The following THBS4 variants were observed in gnomAD, a reference collection of about 807,000 sequenced individuals.
The protein encoded by THBS4 is thrombospondin 4.
THBS4 carries 90 observed loss-of-function variants against 115.7 expected under a neutral mutation model. The ratio of observed to expected loss-of-function variants is 0.78; its 90% confidence interval spans 0.66 to 0.93. THBS4 has a LOEUF of 0.93. THBS4 is among the 40% of genes least tolerant of loss of function. The probability of loss-of-function intolerance (pLI) is 0.00; values close to 1 mark genes in which losing one functional copy is unlikely to be tolerated. For synonymous variants in THBS4, 460 were observed against 479.3 expected, an observed-to-expected ratio of 0.96 and a Z score of 0.53; for missense variants, 1,087 against 1,232.7, an observed-to-expected ratio of 0.88 and a Z score of 1.77.
chr5:80,048,263 A>G (rs1833138827), intron 2 of THBS4, among the ~76,000 whole-genome samples: 1 of 152,236 alleles, frequency 6.6e-6, no homozygotes. Context: ...TTGGCTCTGT[A>G]TTAGGAAAAT....
At chr5:79,992,008 G>C (rs533842848) in intron 1 of THBS4, among the ~76,000 whole-genome samples, 91 of 152,272 alleles carry the variant, frequency 6.0e-4, no homozygotes, top group African/African-American at 2.1e-3. Context: ...GCTTAAAAAG[G>C]CTCCTCATTT....
rs1415240915 is a variant in THBS4 at position 80,061,793 on chromosome 5, G to T, written c.1086G>T (p.Val362=). ...CAGTGGGCTTCACAGGGCCCATGGT[G>T]CAGGGTGTTGGGATCAGTTTTGCCA... The part of the protein sequence containing the change: ...ACPVGFTGPM[V]QGVGISFAKS... Residue 362 remains valine (V), a synonymous_variant, in exon 8 of 22, where the codon GTG becomes GTT. Transcript: ENST00000350881. 6.2e-7 allele frequency: 1 copy of T among 1,613,812 alleles called. No individual in the cohort carries two copies.
intron 2 of THBS4, among the ~76,000 whole-genome samples, chr5:80,013,200 C>T (rs1268009622): frequency 7.9e-5 from 12 of 152,090 alleles, no homozygotes; most frequent in Non-Finnish European, 1.2e-4. Flanking sequence ...AGTGCAATGG[C>T]GCAATCTTGG....
intron 2 of THBS4, among the ~76,000 whole-genome samples, chr5:80,021,709 C>T (rs558890435): frequency 4.7e-4 from 71 of 152,154 alleles, no homozygotes; most frequent in African/African-American, 1.6e-3. Context: ...TTTGTAGAGA[C>T]GGGGTCTGTG....
At chr5:80,045,179 AATG>A (rs1833022134) in intron 2 of THBS4, among the ~76,000 whole-genome samples, 1 of 152,208 alleles carries the variant, frequency 6.6e-6, no homozygotes, top group Non-Finnish European at 1.5e-5. Context: ...ACTGTTTTCT[AATG>A]ATGATGGTTT....
chr5:80,055,933 C>T lies in THBS4; in HGVS notation c.441C>T (p.Cys147=). 3 of 1,614,216 alleles carry T rather than the reference C, an allele frequency of 1.9e-6. No homozygotes were observed. The highest frequency in any genetic ancestry group is 2.5e-6 in the Non-Finnish European group (3 of 1,180,032). Residue 147 remains cysteine (C), a synonymous_variant, in exon 3 of 22, where the codon TGC becomes TGT. Coordinates refer to ENST00000350881, the MANE Select transcript of THBS4 (RefSeq NM_003248.6). ...GAGSLELYLD[C]IQVDSVHNLP... is the part of the protein sequence containing the mutation. Reference sequence around the variant, plus strand: ...GCTCCCTAGAGCTCTACCTGGACTGCATCCAGGTGGATTCCGTTCACAATC... The same window carrying T: ...GCTCCCTAGAGCTCTACCTGGACTGTATCCAGGTGGATTCCGTTCACAATC...
intron 7 of THBS4, among the ~76,000 whole-genome samples, chr5:80,060,915 A>G (rs1443668913): frequency 6.6e-6 from 1 of 152,206 alleles, no homozygotes; most frequent in Non-Finnish European, 1.5e-5. Flanking sequence ...GGAGAGATGC[A>G]GGTACATAAC....
intron 2 of THBS4, among the ~76,000 whole-genome samples, chr5:80,001,653 C>T (rs182097539): frequency 6.6e-6 from 1 of 152,288 alleles, no homozygotes; most frequent in East Asian, 1.9e-4. Flanking sequence ...AGACAGAAAA[C>T]AGCTGAAGTA....
chr5:80,029,022 G>A (rs1176460874), intron 2 of THBS4, among the ~76,000 whole-genome samples: 1 of 152,128 alleles, frequency 6.6e-6, no homozygotes, highest in African/African-American at 2.4e-5. Context: ...AGTTCTTTTA[G>A]TTAGGACAAA....
At chr5:80,002,520 C>A (rs1831921532) in intron 2 of THBS4, among the ~76,000 whole-genome samples, 1 of 151,976 alleles carries the variant, frequency 6.6e-6, no homozygotes, top group African/African-American at 2.4e-5. Flanking sequence ...CCCAGTGACC[C>A]CCATGCTCTA....
chr5:80,002,593 A>G (rs1279944307), intron 2 of THBS4, among the ~76,000 whole-genome samples: 1 of 151,944 alleles, frequency 6.6e-6, no homozygotes, highest in Non-Finnish European at 1.5e-5. Context: ...GGTGCAGAGA[A>G]AGTCAACTGT....
At chr5:80,073,380 T>C in intron 15 of THBS4, 53 bp downstream of exon 15, 1 of 1,566,930 alleles carries the variant, frequency 6.4e-7, no homozygotes, top group Admixed American at 1.7e-5. Flanking sequence ...CCGGAGAGGG[T>C]TTTTGGTTTG....
At position 80,065,416 on chromosome 5, in the gene THBS4, C is replaced by A. The variant is rs1240396932; in HGVS notation, c.1133C>A (p.Thr378Asn). The change falls in exon 9 of 22, where the codon ACT becomes AAT. Residue 378 changes from threonine (T) to asparagine (N), a missense_variant. Around this residue, in one of 3 missense-constraint regions of THBS4, gnomAD observed 979 missense variants for 1,103.7 expected, o/e 0.89. Transcript: ENST00000350881. The stretch of plus-strand genomic sequence containing the variant: ...TGAACTTTTCTGCACTAGGTCTGCA[C>A]TGACATTGATGAGTGTCGAAATGGA... ...SFAKSNKQVC[T>N]DIDECRNGAC... 2 of 1,613,050 alleles carry A rather than the reference C, an allele frequency of 1.2e-6. No homozygotes were observed. The highest frequency in any genetic ancestry group is 3.4e-5 in the Admixed American group (2 of 59,618).
chr5:80,043,496 G>T (rs574657542), intron 2 of THBS4, among the ~76,000 whole-genome samples: 1 of 152,146 alleles, frequency 6.6e-6, no homozygotes, highest in Non-Finnish European at 1.5e-5. Context: ...GCTGATTTGC[G>T]TGGAAAACGG....
chr5:80,074,677 G>A (rs919053470), intron 15 of THBS4, among the ~76,000 whole-genome samples: 4 of 150,050 alleles, frequency 2.7e-5, no homozygotes, highest in Non-Finnish European at 5.9e-5. Flanking sequence ...AGGCTGGCGT[G>A]ATCTCGGCTC....
chr5:80,068,127 T>TA lies in THBS4; in HGVS notation c.1347+4dup, dbSNP rs1561321606. The TA allele has an allele frequency of 6.2e-7, 1 of 1,613,132 alleles. No individual in the cohort carries two copies. The highest frequency in any genetic ancestry group is 1.7e-5 in the Admixed American group (1 of 59,734). On this transcript the variant is annotated splice_region_variant and intron_variant, in intron 10 of 21. Coordinates refer to ENST00000350881, the MANE Select transcript of THBS4 (RefSeq NM_003248.6). ...AGGCAGGGGGATGTGACATGTGTGG[T>TA]AAGTTGTTTTTTGACTTCCTCTATC...
At chr5:80,067,410 A>ATG (rs1462166002) in intron 9 of THBS4, 1 of 151,956 alleles carries the variant, frequency 6.6e-6, no homozygotes, top group Non-Finnish European at 1.5e-5. Context: ...TTATATATAT[A>ATG]AAAGCTAAAA....
intron 10 of THBS4, 120 bp downstream of exon 10, chr5:80,068,245 G>C: frequency 5.6e-6 from 7 of 1,258,530 alleles, no homozygotes; most frequent in Non-Finnish European, 7.8e-6. Context: ...GCAATTAAAT[G>C]AGCATGGAGT....
chr5:80,067,847 G>A, intron 9 of THBS4, 126 bp from the exon 10 acceptor site: 2 of 1,079,044 alleles, frequency 1.9e-6, no homozygotes, highest in South Asian at 1.6e-5. Context: ...AAGAAGGCAT[G>A]GATCTGATGC....
Sources: allele counts gnomAD v4.1 joint callset (sites outside exome capture counted in the v4.1 genomes callset), GRCh38; gene constraint gnomAD v4.1.1; regional missense constraint gnomAD v4.1.1; transcripts MANE v1.5; gene names NCBI Gene and HGNC (gene_info 2026-07-23, HGNC 2026-07-21).